The following TAFA2 variants were observed in gnomAD, a reference collection of about 807,000 sequenced individuals.
The protein encoded by TAFA2 is TAFA chemokine like family member 2, also known as chemokine-like protein TAFA-2.
Under a neutral mutation model 18.8 loss-of-function variants are expected in TAFA2, and 7 were observed. The ratio of observed to expected loss-of-function variants is 0.37; its 90% CI spans 0.21 to 0.70. TAFA2 has a LOEUF of 0.70. Ranked by LOEUF, TAFA2 falls within the 30% of genes least tolerant of loss-of-function variation. The probability of loss-of-function intolerance (pLI) is 0.53; values close to 1 mark genes in which losing one functional copy is unlikely to be tolerated. For synonymous variants in TAFA2, 60 were observed against 54.2 expected (o/e 1.11, Z -0.47); for missense variants, 122 against 158.1 (o/e 0.77, Z 1.23).
chr12:62,253,323 T>A (rs1398181700), intron 1 of TAFA2: 1 of 152,242 alleles, frequency 6.6e-6, no homozygotes, highest in South Asian at 2.1e-4. Flanking sequence ...TCCATCCACA[T>A]ACTTTCTCAT....
At chr12:62,100,135 C>T (rs1393865230) in intron 1 of TAFA2, among the ~76,000 whole-genome samples, 1 of 125,614 alleles carries the variant, frequency 8.0e-6, no homozygotes, top group African/African-American at 3.1e-5. Flanking sequence ...TAGCAACTCC[C>T]TCTACACACA....
At chr12:62,121,392 G>T (rs994515912) in intron 1 of TAFA2, among the ~76,000 whole-genome samples, 1 of 152,160 alleles carries the variant, frequency 6.6e-6, no homozygotes, top group African/African-American at 2.4e-5. Context: ...ACAATGATTT[G>T]TGTGTAACAT....
At chr12:61,893,705 C>G (rs1875727407) in intron 1 of TAFA2, among the ~76,000 whole-genome samples, 1 of 152,146 alleles carries the variant, frequency 6.6e-6, no homozygotes, top group South Asian at 2.1e-4. Flanking sequence ...AAAAATATTC[C>G]ACTTATAATC....
upstream of TAFA2, among the ~76,000 whole-genome samples, chr12:62,193,217 A>G (rs2062635072): frequency 1.3e-5 from 2 of 152,230 alleles, no homozygotes; most frequent in South Asian, 4.1e-4. Flanking sequence ...TCAAAAATGA[A>G]TAATTAGTAA....
In TAFA2 at chr12:61,867,170, A is replaced by G. The variant is rs144649477; in HGVS notation, c.106+150T>C. The G allele has an allele frequency of 1.2e-4, 68 of 582,296 alleles. No individual in the cohort carries two copies. The African/African-American group carries it at 1.3e-3, about 11-fold the overall frequency. 36.1% of individuals were successfully genotyped at this position (582,296 alleles called of 1,614,324 possible). On this transcript the variant is annotated intron_variant, in intron 2 of 4. Transcript: ENST00000416284. ...TTTCTCTATCAAAGCCATCTTAAAG[A>G]TAACACTGCATTATTACTTAAAGAA...
At chr12:61,875,998 C>T (rs1029774014) in intron 1 of TAFA2, among the ~76,000 whole-genome samples, 3 of 151,900 alleles carry the variant, frequency 2.0e-5, no homozygotes, top group African/African-American at 7.3e-5. Flanking sequence ...AAATCATAAG[C>T]CTTATATTTA....
In TAFA2 at chr12:62,180,373, T is replaced by C. The variant is rs377297362; in HGVS notation, c.-2+10886A>G. Among the ~76,000 whole-genome samples, 4 of 152,174 alleles carry C rather than the reference T, an allele frequency of 2.6e-5. No homozygotes were observed. In the East Asian group the frequency reaches 7.7e-4, roughly 29 times the overall value. The stretch of plus-strand genomic sequence containing the variant: ...GGTTCATTCCATTTAAAGCCTTTCT[T>C]GAGAATCATCAGAGAATCCCAAAAA... On this transcript the variant is annotated intron_variant, in intron 1 of 4. Coordinates refer to ENST00000416284, the MANE Select transcript of TAFA2 (RefSeq NM_178539.5).
chr12:62,021,105 A>G (rs1274217328), intron 1 of TAFA2, among the ~76,000 whole-genome samples: 3 of 152,174 alleles, frequency 2.0e-5, no homozygotes, highest in African/African-American at 7.2e-5. Flanking sequence ...TTTCTATACT[A>G]AATACTGGGA....
At position 62,233,066 on chromosome 12, in the gene TAFA2, CTTTTTTTTTT is replaced by C. The variant is rs34781688; in HGVS notation, c.-130+25687_-130+25696del. Among the ~76,000 whole-genome samples the C allele has an allele frequency of 6.6e-3, 262 of 39,534 alleles. 1 individual carries two copies. Among genetic ancestry groups the C allele is most frequent in the Admixed American group, 0.012 (24 of 2,038 alleles). The allele number at this position is 39,534 out of a possible 152,430, so 25.9% of individuals were successfully genotyped here. The stretch of plus-strand genomic sequence containing the variant: ...TGTCCTCCCAGCAATTTCTGCATCT[CTTTTTTTTTT>C]TTTTTTTTTTTTTTTTTTTTTTGAG... On this transcript the variant is annotated intron_variant, in intron 1 of 5. Transcript: ENST00000551619.
At chr12:62,242,758 C>T (rs1338521753) in intron 1 of TAFA2, among the ~76,000 whole-genome samples, 2 of 152,122 alleles carry the variant, frequency 1.3e-5, no homozygotes, top group African/African-American at 2.4e-5. Context: ...TTTTGAAAAG[C>T]GGCAGCTTTG....
At position 62,231,943 on chromosome 12, in the gene TAFA2, A is replaced by C. The variant is rs2062813423; in HGVS notation, c.-130+26820T>G. On this transcript the variant is annotated intron_variant, in intron 1 of 5. Coordinates refer to the TAFA2 transcript ENST00000551619. ...TGCTGGTCTCAAACTCCTGGCCTCA[A>C]GTTATCCTCCACCTTGGCATCCCAA... Among the ~76,000 whole-genome samples the C allele has an allele frequency of 2.0e-5, 3 of 152,272 alleles. No individual in the cohort carries two copies. The South Asian group carries it at 6.2e-4, about 32-fold the overall frequency.
intron 1 of TAFA2, among the ~76,000 whole-genome samples, chr12:62,050,743 G>A (rs1338466118): frequency 6.6e-6 from 1 of 152,144 alleles, no homozygotes; most frequent in Non-Finnish European, 1.5e-5. Flanking sequence ...TTAGCCATGT[G>A]CTAATAAGAG....
intron 1 of TAFA2, among the ~76,000 whole-genome samples, chr12:61,872,661 C>G (rs1874665986): frequency 6.6e-6 from 1 of 152,128 alleles, no homozygotes; most frequent in African/African-American, 2.4e-5. Flanking sequence ...CCCTGTACCC[C>G]AGGTTCCCTA....
At chr12:61,960,602 G>C (rs1400979069) in intron 1 of TAFA2, among the ~76,000 whole-genome samples, 2 of 151,748 alleles carry the variant, frequency 1.3e-5, no homozygotes, top group Non-Finnish European at 2.9e-5. Context: ...TTAGTCCTTC[G>C]GTTTCCCATC....
chr12:61,938,755 A>T (rs1877877152), intron 1 of TAFA2, among the ~76,000 whole-genome samples: 1 of 152,192 alleles, frequency 6.6e-6, no homozygotes. Flanking sequence ...TGTCTTTTGC[A>T]GCAACTTGGA....
At chr12:61,800,611 T>C (rs537389184) in intron 2 of TAFA2, among the ~76,000 whole-genome samples, 1 of 152,064 alleles carries the variant, frequency 6.6e-6, no homozygotes, top group Non-Finnish European at 1.5e-5. Context: ...TCATTAGCAA[T>C]AATAGAGCTC....
At chr12:61,922,778 GC>G (rs2121369667) in intron 1 of TAFA2, among the ~76,000 whole-genome samples, 1 of 152,290 alleles carries the variant, frequency 6.6e-6, no homozygotes, top group Non-Finnish European at 1.5e-5. Flanking sequence ...GGGAGATGAA[GC>G]CAGGGAGCTG....
intron 1 of TAFA2, among the ~76,000 whole-genome samples, chr12:62,005,287 A>G (rs1027275805): frequency 5.9e-5 from 9 of 152,086 alleles, no homozygotes; most frequent in African/African-American, 2.2e-4. Context: ...ACATTATGCA[A>G]TATACCATAT....
chr12:61,952,058 TA>T (rs1878487685), intron 1 of TAFA2, among the ~76,000 whole-genome samples: 2 of 152,068 alleles, frequency 1.3e-5, no homozygotes, highest in Admixed American at 6.6e-5. Context: ...CCAAAGAAAA[TA>T]ATTCTCATCT....
Sources: allele counts gnomAD v4.1 joint callset (sites outside exome capture counted in the v4.1 genomes callset), GRCh38; gene constraint gnomAD v4.1.1; transcripts MANE v1.5; gene names NCBI Gene and HGNC (gene_info 2026-07-23, HGNC 2026-07-21).